The following PCDHA1 variants were observed in gnomAD, a reference collection of about 807,000 sequenced individuals.
The protein encoded by PCDHA1 is protocadherin alpha-1.
PCDHA1 carries 42 observed loss-of-function variants against 61.3 expected under a neutral mutation model. The ratio of observed to expected loss-of-function variants is 0.69; its 90% CI spans 0.54 to 0.89. The LOEUF is 0.89. Among genes scored for constraint, PCDHA1 ranks in the 40% least tolerant of loss-of-function variants. The pLI, the probability that PCDHA1 is intolerant of heterozygous loss-of-function variation, is 0.00. For missense variants in PCDHA1, 1,256 were observed against 1,235.3 expected (o/e 1.02, Z -0.25); for synonymous variants, 610 against 553.8 (o/e 1.10, Z -1.43).
rs1167569489 is a variant in PCDHA1, at chr5:140,791,339, C to T, written c.2394+2655C>T. 3.9e-5 allele frequency among the ~76,000 whole-genome samples: 6 copies of T among 152,302 alleles called. No individual in the cohort carries two copies. The South Asian group carries it at 6.2e-4, about 16-fold the overall frequency. ...CTTCTGCTATCTTTTCCTGTTACAG[C>T]AATTACATAAGCACTGGTTGATACT... On this transcript the variant is annotated intron_variant, in intron 1 of 3. Transcript: ENST00000504120.
At chr5:140,829,388 C>A (rs1554131920) in intron 1 of PCDHA1, 6 of 1,614,056 alleles carry the variant, frequency 3.7e-6, no homozygotes, top group Non-Finnish European at 5.1e-6. Flanking sequence ...CGGGGGCTCG[C>A]CTTCGCTGTG....
chr5:140,836,566 C>T, intron 1 of PCDHA1: 1 of 1,613,742 alleles, frequency 6.2e-7, no homozygotes, highest in Non-Finnish European at 8.5e-7. Flanking sequence ...GCGCCGTCCT[C>T]TGAGGGCGCA....
chr5:140,796,102 G>C, intron 1 of PCDHA1: 1 of 1,614,188 alleles, frequency 6.2e-7, no homozygotes, highest in Non-Finnish European at 8.5e-7. Flanking sequence ...TCGCGACTCT[G>C]GTACGAATGG....
At chr5:140,810,984 G>T (rs1764771297) in intron 1 of PCDHA1, 1 of 151,832 alleles carries the variant, frequency 6.6e-6, no homozygotes, top group South Asian at 2.1e-4. Context: ...GTGAGGTAGG[G>T]GTCAAGATTT....
chr5:140,875,946 T>C, intron 1 of PCDHA1: 1 of 1,614,222 alleles, frequency 6.2e-7, no homozygotes, highest in Admixed American at 1.7e-5. Context: ...AGGGCGCTTC[T>C]GATGCGGATA....
intron 1 of PCDHA1, chr5:140,796,142 T>A (rs1554119739): frequency 1.2e-6 from 2 of 1,614,182 alleles, no homozygotes; most frequent in South Asian, 2.2e-5. Flanking sequence ...ACGCCCCACG[T>A]CCCTTTCAAG....
At chr5:140,797,757 G>C (rs1762260264) in intron 1 of PCDHA1, among the ~76,000 whole-genome samples, 1 of 152,194 alleles carries the variant, frequency 6.6e-6, no homozygotes, top group Non-Finnish European at 1.5e-5. Context: ...CTGTCGGATA[G>C]TGTTTGGAAT....
intron 1 of PCDHA1, among the ~76,000 whole-genome samples, chr5:140,896,511 C>T (rs1344026446): frequency 6.6e-6 from 1 of 151,744 alleles, no homozygotes; most frequent in Non-Finnish European, 1.5e-5. Context: ...TGTGCAGGCA[C>T]ACACCACAAA....
At position 140,791,868 on chromosome 5, in the gene PCDHA1, G is replaced by T. The variant is rs117034877; in HGVS notation, c.2394+3184G>T. 3.3e-5 allele frequency among the ~76,000 whole-genome samples: 5 copies of T among 152,224 alleles called. No individual in the cohort carries two copies. In the East Asian group the frequency reaches 7.7e-4, roughly 24 times the overall value. Reference sequence around the variant, plus strand: ...AGTTTTGTGAAAGACTAGGTTGAAGGTTTTGCAAGAATGAGTGCTTGGACA... The same window carrying T: ...AGTTTTGTGAAAGACTAGGTTGAAGTTTTTGCAAGAATGAGTGCTTGGACA... On this transcript the variant is annotated intron_variant, in intron 1 of 3. Transcript: ENST00000504120.
intron 1 of PCDHA1, among the ~76,000 whole-genome samples, chr5:140,797,663 C>T (rs566395323): frequency 4.6e-5 from 7 of 152,300 alleles, no homozygotes; most frequent in African/African-American, 1.7e-4. Context: ...TATTTTCTCT[C>T]TTAAAAATTG....
At chr5:140,954,834 G>A (rs879960376) in intron 1 of PCDHA1, among the ~76,000 whole-genome samples, 1 of 152,154 alleles carries the variant, frequency 6.6e-6, no homozygotes, top group African/African-American at 2.4e-5. Context: ...CTTTTGTCAT[G>A]AAATCTTTGC....
At chr5:140,909,484 G>A (rs981292788) in intron 1 of PCDHA1, among the ~76,000 whole-genome samples, 1 of 152,180 alleles carries the variant, frequency 6.6e-6, no homozygotes, top group African/African-American at 2.4e-5. Context: ...CTAAATAGGA[G>A]AGCTGAACGG....
In PCDHA1 at chr5:140,869,132, G is replaced by GCA. The variant is rs782288889; in HGVS notation, c.2394+80450_2394+80451dup. On this transcript the variant is annotated intron_variant, in intron 1 of 3. Transcript: ENST00000504120. ...TTTGGTTTTCAGAGAAGGGGATTGG[G>GCA]CACCCCACGACTACAGCTCTGGCTT... The GCA allele has an allele frequency of 1.9e-6, 3 of 1,612,054 alleles. No homozygotes were observed. The Admixed American group carries it at 5.0e-5, about 27-fold the overall frequency.
At position 140,841,280 on chromosome 5, in the gene PCDHA1, T is replaced by C. The variant is rs2150312554; in HGVS notation, c.2394+52596T>C. Reference sequence around the variant, plus strand: ...CTCTGAAAGTACAGTCGTTCATCTTTATATTAAGATAATATTTTCTGATAG... The same window carrying C: ...CTCTGAAAGTACAGTCGTTCATCTTCATATTAAGATAATATTTTCTGATAG... On this transcript the variant is annotated intron_variant, in intron 1 of 3. Transcript: ENST00000504120. The C allele has an allele frequency of 2.7e-3, 4,162 of 1,542,382 alleles. 127 individuals are homozygous for C. The African/African-American group carries it at 0.05, about 19-fold the overall frequency.
chr5:140,934,868 G>A (rs2090080725), intron 1 of PCDHA1, among the ~76,000 whole-genome samples: 1 of 152,128 alleles, frequency 6.6e-6, no homozygotes, highest in African/African-American at 2.4e-5. Flanking sequence ...CTTTGTGAGT[G>A]TGTTTGTGTA....
At chr5:140,804,858 T>G in intron 1 of PCDHA1, 1 of 538,794 alleles carries the variant, frequency 1.9e-6, no homozygotes. Context: ...GTCTAACACG[T>G]AAAATAGATA....
At chr5:140,835,406 G>A (rs1773617181) in intron 1 of PCDHA1, 1 of 1,613,856 alleles carries the variant, frequency 6.2e-7, no homozygotes, top group African/African-American at 1.3e-5. Context: ...TGGAAGTTGT[G>A]GATGTAAATG....
chr5:140,969,325 A>G (rs1490022353), intron 1 of PCDHA1: 1 of 1,614,000 alleles, frequency 6.2e-7, no homozygotes, highest in Non-Finnish European at 8.5e-7. Context: ...CTGTTTCTCA[A>G]AATGAGGTGA....
intron 1 of PCDHA1, among the ~76,000 whole-genome samples, chr5:140,833,751 A>AC (rs1562332508): frequency 1.3e-5 from 2 of 151,248 alleles, no homozygotes; most frequent in African/African-American, 2.4e-5. Context: ...CTAAAAAGAA[A>AC]ACACACACAC....
Sources: gnomAD v4.1 joint callset for allele counts (sites outside exome capture counted in the v4.1 genomes callset) on GRCh38, gnomAD v4.1.1 for gene constraint, MANE v1.5 for transcripts, NCBI Gene and HGNC (gene_info 2026-07-23, HGNC 2026-07-21) for gene names.